PTPRC: variants seen among roughly 807,000 people sequenced by gnomAD.
PTPRC encodes the protein protein tyrosine phosphatase receptor type C.
In PTPRC, 44 loss-of-function variants were observed where a neutral mutation model predicts 155.9. The ratio of observed to expected loss-of-function variants is 0.28; its 90% CI spans 0.22 to 0.36. The LOEUF is 0.36. PTPRC is among the 10% of genes least tolerant of loss of function. The pLI is 1.00. For synonymous variants in PTPRC, 525 were observed against 533.1 expected (o/e 0.98, Z 0.21); for missense variants, 1,401 against 1,564.6 (o/e 0.90, Z 1.76).
At chr1:198,707,573 C>T (rs1653052669) in intron 9 of PTPRC, among the ~76,000 whole-genome samples, 1 of 152,038 alleles carries the variant, frequency 6.6e-6, no homozygotes, top group South Asian at 2.1e-4. Context: ...TAATTCAAGA[C>T]TATTAATAAA....
chr1:198,710,284 A>G (rs962347628), intron 11 of PTPRC, among the ~76,000 whole-genome samples: 5 of 152,182 alleles, frequency 3.3e-5, no homozygotes, highest in African/African-American at 7.2e-5. Flanking sequence ...CTGAACTTTC[A>G]GTTTTATTTT....
rs60399518 is a variant in PTPRC at position 198,688,837 on chromosome 1, C to T, written c.74-3510C>T. ...AGGACAAGTTGATGGGAAAAGGGGA[C>T]GCCTGATGAATGAGAGCATGGCCTG... On this transcript the variant is annotated intron_variant, in intron 2 of 32. Transcript: ENST00000442510. 6.1e-3 allele frequency among the ~76,000 whole-genome samples: 932 copies of T among 152,188 alleles called. 9 individuals carry two copies. Among genetic ancestry groups the T allele is most frequent in the African/African-American group, 0.021 (883 of 41,532 alleles).
intron 2 of PTPRC, among the ~76,000 whole-genome samples, chr1:198,646,404 A>C (rs1019125973): frequency 6.6e-6 from 1 of 151,848 alleles, no homozygotes; most frequent in Non-Finnish European, 1.5e-5. Context: ...AATTTTCCAA[A>C]ACCATTTAAA....
At chr1:198,733,703 T>C (rs1006622934) in intron 20 of PTPRC, among the ~76,000 whole-genome samples, 1 of 151,762 alleles carries the variant, frequency 6.6e-6, no homozygotes, top group South Asian at 2.1e-4. Flanking sequence ...TTATCTGAAA[T>C]GGCAAAGAAG....
intron 5 of PTPRC, among the ~76,000 whole-genome samples, chr1:198,700,973 G>A (rs1308039027): frequency 6.6e-6 from 1 of 152,184 alleles, no homozygotes; most frequent in Admixed American, 6.5e-5. Flanking sequence ...TCAAGTGAGT[G>A]AGAGGAGTGT....
At chr1:198,659,979 A>T (rs1663852976) in intron 2 of PTPRC, among the ~76,000 whole-genome samples, 1 of 138,700 alleles carries the variant, frequency 7.2e-6, no homozygotes, top group Non-Finnish European at 1.6e-5. Flanking sequence ...TATCTATATA[A>T]ATAGATTATA....
At chr1:198,728,508 T>C in intron 16 of PTPRC, 60 bp downstream of exon 16, 2 of 1,581,624 alleles carry the variant, frequency 1.3e-6, no homozygotes, top group South Asian at 2.3e-5. Context: ...CAAACGCATA[T>C]CCATATGGCA....
At chr1:198,683,893 G>A (rs541533406) in intron 2 of PTPRC, among the ~76,000 whole-genome samples, 2 of 151,970 alleles carry the variant, frequency 1.3e-5, no homozygotes, top group South Asian at 4.1e-4. Flanking sequence ...ATGTCCATGG[G>A]AAAAAAATGG....
chr1:198,742,394 C>T lies in PTPRC; in HGVS notation c.2697+27C>T, dbSNP rs1038537548. 1.9e-6 allele frequency: 3 copies of T among 1,610,742 alleles called. No homozygotes were observed. The African/African-American group carries it at 4.0e-5, about 22-fold the overall frequency. On this transcript the variant is annotated intron_variant, in intron 25 of 32. Transcript: ENST00000442510. ...TATGTTCTAACCTTTAGTGATTATT[C>T]TCACTTTGGTTTTTTGGACTTAAAT...
intron 12 of PTPRC, among the ~76,000 whole-genome samples, chr1:198,715,439 G>A (rs1037289344): frequency 6.6e-6 from 1 of 151,762 alleles, no homozygotes; most frequent in East Asian, 1.9e-4. Flanking sequence ...AGATATTTTG[G>A]AGAACTGCAG....
intron 15 of PTPRC, 148 bp from the exon 16 acceptor site, chr1:198,728,192 A>G: frequency 1.7e-6 from 1 of 596,842 alleles, no homozygotes; most frequent in Non-Finnish European, 2.7e-6. Flanking sequence ...AATTTATTGT[A>G]TTTGACCTTA....
intron 2 of PTPRC, among the ~76,000 whole-genome samples, chr1:198,669,611 G>A (rs1353366653): frequency 6.6e-6 from 1 of 152,010 alleles, no homozygotes; most frequent in Non-Finnish European, 1.5e-5. Flanking sequence ...ACGGCATGGT[G>A]AATCCCTGAC....
At chr1:198,706,417 C>G (rs1165927836) in intron 8 of PTPRC, among the ~76,000 whole-genome samples, 3 of 152,156 alleles carry the variant, frequency 2.0e-5, no homozygotes, top group Non-Finnish European at 4.4e-5. Flanking sequence ...ATTAATGATA[C>G]ATATTATGCA....
At position 198,742,060 on chromosome 1, in the gene PTPRC, C is replaced by A. The variant is rs200279167; in HGVS notation, c.2561+34C>A. On this transcript the variant is annotated intron_variant, in intron 24 of 32. Coordinates refer to ENST00000442510, the MANE Select transcript of PTPRC (RefSeq NM_002838.5). ...AACGAACAAAAAAAAAAAACAACAA[C>A]AAAAAAACTCCAACAGAATCCACCT... 2,896 of 1,603,876 alleles carry A rather than the reference C, an allele frequency of 1.8e-3. 19 individuals are homozygous for A. Among genetic ancestry groups the A allele is most frequent in the African/African-American group, 0.011 (849 of 74,316 alleles).
chr1:198,736,763 A>C (rs1451167280), intron 23 of PTPRC, among the ~76,000 whole-genome samples: 1 of 151,644 alleles, frequency 6.6e-6, no homozygotes, highest in Admixed American at 6.6e-5. Flanking sequence ...AGAAACCTCC[A>C]AACAGTTCTA....
At chr1:198,720,835 T>C (rs1291373593) in intron 14 of PTPRC, among the ~76,000 whole-genome samples, 1 of 152,206 alleles carries the variant, frequency 6.6e-6, no homozygotes, top group Admixed American at 6.5e-5. Context: ...TTTCTTATTG[T>C]CACATCATTG....
intron 2 of PTPRC, among the ~76,000 whole-genome samples, chr1:198,668,554 T>G (rs1221483052): frequency 6.6e-6 from 1 of 152,122 alleles, no homozygotes; most frequent in Non-Finnish European, 1.5e-5. Context: ...TATAAGGAAT[T>G]AACAGTATGA....
chr1:198,654,465 A>G (rs1309837888), intron 2 of PTPRC, among the ~76,000 whole-genome samples: 1 of 151,890 alleles, frequency 6.6e-6, no homozygotes, highest in African/African-American at 2.4e-5. Context: ...AAATTTATAT[A>G]CACAGATTAC....
chr1:198,752,491 A>G (rs1655429254), intron 30 of PTPRC, 103 bp from the exon 31 acceptor site: 1 of 1,514,006 alleles, frequency 6.6e-7, no homozygotes, highest in Admixed American at 1.7e-5. Context: ...ATAACATTTT[A>G]AAATTATTTA....
Sources: allele counts gnomAD v4.1 joint callset (sites outside exome capture counted in the v4.1 genomes callset), GRCh38; gene constraint gnomAD v4.1.1; transcripts MANE v1.5; gene names NCBI Gene and HGNC (gene_info 2026-07-23, HGNC 2026-07-21).